Variants in CHLSN observed in about 807,000 individuals in gnomAD.
CHLSN encodes cholesin, also known as protein cholesin.
chr7:1,060,798 G>A, the CHLSN span, among the ~76,000 whole-genome samples: 1 of 152,202 alleles, frequency 6.6e-6, no homozygotes, highest in East Asian at 1.9e-4. Flanking sequence ...TCTGGAGCCG[G>A]AGCTGGTGTA....
chr7:1,061,287 T>TG, the CHLSN span, among the ~76,000 whole-genome samples: 1 of 152,098 alleles, frequency 6.6e-6, no homozygotes, highest in Non-Finnish European at 1.5e-5. Flanking sequence ...AGGGACACCC[T>TG]GCTGCCTGGT....
chr7:1,047,457 G>C, the CHLSN span, among the ~76,000 whole-genome samples: 1 of 152,262 alleles, frequency 6.6e-6, no homozygotes, highest in Non-Finnish European at 1.5e-5. Context: ...GGCACAGATA[G>C]GAATCAGTGT....
chr7:1,046,803 C>G, the CHLSN span, among the ~76,000 whole-genome samples: 1 of 152,346 alleles, frequency 6.6e-6, no homozygotes, highest in South Asian at 2.1e-4. Context: ...TTAATTGGAA[C>G]CAAAGCAAGC....
At chr7:1,069,326 G>A in the CHLSN span, among the ~76,000 whole-genome samples, 1,973 of 151,812 alleles carry the variant, frequency 0.013, 23 homozygotes, top group Non-Finnish European at 0.021. Context: ...GCGAAACTCC[G>A]TCTCAAAAAA....
chr7:1,075,025 T>C, the CHLSN span, among the ~76,000 whole-genome samples: 2 of 152,068 alleles, frequency 1.3e-5, no homozygotes, highest in African/African-American at 4.8e-5. Context: ...GTGTGGGCCA[T>C]GGGAGGGCGC....
At chr7:1,106,107 A>G in the CHLSN span, among the ~76,000 whole-genome samples, 2 of 152,172 alleles carry the variant, frequency 1.3e-5, no homozygotes, top group Non-Finnish European at 2.9e-5. Context: ...CAAGGCATGC[A>G]TCATGCAGAT....
the CHLSN span, chr7:1,093,317 G>A: frequency 7.1e-6 from 3 of 424,490 alleles, no homozygotes; most frequent in East Asian, 2.1e-4. Flanking sequence ...GGTGCTGGTG[G>A]GTCTGAGCTG....
At chr7:1,136,380 A>G in the CHLSN span, among the ~76,000 whole-genome samples, 113 of 41,090 alleles carry the variant, frequency 2.8e-3, 1 homozygote, top group Admixed American at 8.1e-3. Context: ...ATATATATAA[A>G]TATATAAACA....
At chr7:1,036,953 T>TA in the CHLSN span, among the ~76,000 whole-genome samples, 1 of 146,486 alleles carries the variant, frequency 6.8e-6, no homozygotes. Flanking sequence ...CTACTAAAAA[T>TA]AAAAAAAATT....
At chr7:1,093,648 G>A in the CHLSN span, 1 of 471,292 alleles carries the variant, frequency 2.1e-6, no homozygotes, top group Non-Finnish European at 4.4e-6. Flanking sequence ...CGGGTGCCAG[G>A]ACAATGAAAT....
chr7:1,072,424 G>A, the CHLSN span, among the ~76,000 whole-genome samples: 1 of 152,198 alleles, frequency 6.6e-6, no homozygotes, highest in Admixed American at 6.5e-5. Flanking sequence ...ACTGCTCCTC[G>A]GATTTCCAGG....
the CHLSN span, among the ~76,000 whole-genome samples, chr7:1,131,543 T>C: frequency 6.6e-6 from 1 of 152,244 alleles, no homozygotes; most frequent in Admixed American, 6.5e-5. Flanking sequence ...TATTCTTTAA[T>C]TGAGCCTTAT....
chr7:1,016,230 C>T, the CHLSN span, among the ~76,000 whole-genome samples: 2 of 80,488 alleles, frequency 2.5e-5, no homozygotes, highest in Non-Finnish European at 4.6e-5. Context: ...CACACGCCAG[C>T]ACACAGCAGC....
the CHLSN span, among the ~76,000 whole-genome samples, chr7:1,054,419 T>C: frequency 6.6e-6 from 1 of 152,200 alleles, no homozygotes; most frequent in Non-Finnish European, 1.5e-5. Flanking sequence ...AGGAGAACTT[T>C]CCACCTGAAC....
the CHLSN span, among the ~76,000 whole-genome samples, chr7:1,002,930 G>GT: frequency 9.7e-6 from 1 of 102,624 alleles, no homozygotes; most frequent in Non-Finnish European, 2.0e-5. Flanking sequence ...CCTGTGGGTA[G>GT]GGAGTCCTGT....
chr7:1,070,771 ACACGCACGCACACGGACACG>A, the CHLSN span, among the ~76,000 whole-genome samples: 3 of 148,700 alleles, frequency 2.0e-5, no homozygotes, highest in Middle Eastern at 3.3e-3. Context: ...ATACACATGC[ACACGCACGCACACGGACACG>A]CACGTGCACA....
the CHLSN span, chr7:1,074,361 G>A: frequency 4.0e-3 from 568 of 143,268 alleles, 3 homozygotes; most frequent in Non-Finnish European, 6.1e-3. Context: ...AGCGTCTGGC[G>A]CCTTCCTCCC....
At chr7:1,012,744 G>C in the CHLSN span, among the ~76,000 whole-genome samples, 1 of 152,260 alleles carries the variant, frequency 6.6e-6, no homozygotes, top group African/African-American at 2.4e-5. Flanking sequence ...GCTGGAGTGA[G>C]GGTGCTGCGC....
chr7:1,022,371 G>A, the CHLSN span, among the ~76,000 whole-genome samples: 15 of 152,312 alleles, frequency 9.8e-5, 1 homozygote, highest in Admixed American at 8.5e-4. Context: ...GCACCCGTAC[G>A]GATTCTGTTC....
Sources: gnomAD v4.1 joint callset for allele counts (sites outside exome capture counted in the v4.1 genomes callset) on GRCh38, gnomAD v4.1.1 for gene constraint, MANE v1.5 for transcripts, NCBI Gene and HGNC (gene_info 2026-07-23, HGNC 2026-07-21) for gene names.